Variants in CATSPERE observed in about 807,000 individuals in gnomAD.
The protein encoded by CATSPERE is catsper channel auxiliary subunit epsilon, also known as cation channel sperm-associated auxiliary subunit epsilon.
A neutral mutation model predicts 114.1 loss-of-function variants in CATSPERE; 93 were observed. The observed-to-expected ratio is 0.81, with a 90% CI of 0.69 to 0.97. The LOEUF (loss-of-function observed/expected upper bound fraction) is 0.97. Ranked by LOEUF, CATSPERE falls within the 50% of genes least tolerant of loss-of-function variation. The pLI, the probability that CATSPERE is intolerant of heterozygous loss-of-function variation, is 0.00. For synonymous variants in CATSPERE, 341 were observed against 384.1 expected (o/e 0.89, Z 1.31); for missense variants, 1,058 against 1,131.6 (o/e 0.93, Z 0.93).
chr1:244,598,696 C>A, intron 17 of CATSPERE: 2 of 219,560 alleles, frequency 9.1e-6, no homozygotes, highest in South Asian at 5.8e-5. Context: ...ATATTTAATT[C>A]TCTCTTTTGT....
chr1:244,490,057 A>G (rs1174731073), intron 5 of CATSPERE, among the ~76,000 whole-genome samples: 24 of 152,206 alleles, frequency 1.6e-4, no homozygotes. Context: ...GGAGAGGGTA[A>G]GGAGGGTACT....
rs138837889 is a variant in CATSPERE at position 244,588,533 on chromosome 1, G to A, written c.2137G>A (p.Gly713Arg). Reference sequence around the variant, plus strand: ...TGATAAAAAATTCATTGCAATTAAAGGGTAAGTATATTTCCATTTGACCTG... The same window carrying A: ...TGATAAAAAATTCATTGCAATTAAAAGGTAAGTATATTTCCATTTGACCTG... Reference protein sequence around the residue: ...CDDKKFIAIKGFSKKGCHHHD... With the variant: ...CDDKKFIAIKRFSKKGCHHHD... The change falls in exon 14 of 22, where the codon GGA becomes AGA. Residue 713 changes from glycine to arginine, a missense_variant and splice_region_variant. By Grantham distance (125) the Gly-to-Arg change is moderately radical. Coordinates refer to ENST00000366534, the MANE Select transcript of CATSPERE (RefSeq NM_001130957.2). 4.7e-5 allele frequency: 76 copies of A among 1,604,512 alleles called. No homozygotes were observed. The highest frequency in any genetic ancestry group is 6.2e-5 in the Non-Finnish European group (73 of 1,171,542).
At chr1:244,609,617 C>T (rs989066199) in intron 18 of CATSPERE, among the ~76,000 whole-genome samples, 2 of 151,764 alleles carry the variant, frequency 1.3e-5, no homozygotes, top group Non-Finnish European at 2.9e-5. Flanking sequence ...CAACACTATT[C>T]CTGAAGATCT....
At chr1:244,493,151 C>G (rs1245716163) in intron 6 of CATSPERE, among the ~76,000 whole-genome samples, 1 of 151,968 alleles carries the variant, frequency 6.6e-6, no homozygotes, top group African/African-American at 2.4e-5. Context: ...AATCCTAAGC[C>G]AAAAGAACAA....
At chr1:244,604,696 G>A (rs975628999) in intron 17 of CATSPERE, among the ~76,000 whole-genome samples, 3 of 152,324 alleles carry the variant, frequency 2.0e-5, no homozygotes, top group Middle Eastern at 3.4e-3. Flanking sequence ...AGAAATATGG[G>A]AGTAACTGAC....
In CATSPERE at chr1:244,575,085, G is replaced by A. The variant is rs934886280; in HGVS notation, c.1950+2313G>A. Among the ~76,000 whole-genome samples the A allele has an allele frequency of 2.0e-5, 3 of 152,078 alleles. No homozygotes were observed. The highest frequency in any genetic ancestry group is 7.2e-5 in the African/African-American group (3 of 41,400). On this transcript the variant is annotated intron_variant, in intron 11 of 21. Coordinates refer to ENST00000366534, the MANE Select transcript of CATSPERE (RefSeq NM_001130957.2). This position sits in a 1 kb window ranked among gnomAD's most constrained non-coding sequence, Gnocchi z 4.5. ...CTGAGTTCTCCCACTCTTGCAGCTG[G>A]CAGGGCCAGGCAATGGCATGGGCCC... is the stretch of plus-strand genomic sequence containing the variant.
chr1:244,525,883 A>C (rs1326432091), intron 8 of CATSPERE, among the ~76,000 whole-genome samples: 1 of 150,496 alleles, frequency 6.6e-6, no homozygotes, highest in Non-Finnish European at 1.5e-5. Flanking sequence ...TTAACAACAA[A>C]AAAAATTTTT....
chr1:244,547,631 T>G (rs1215665945), intron 8 of CATSPERE, among the ~76,000 whole-genome samples: 1 of 152,182 alleles, frequency 6.6e-6, no homozygotes, highest in Admixed American at 6.5e-5. Flanking sequence ...ATTATAACTA[T>G]AAGATGTTAT....
At chr1:244,564,378 C>CATG (rs1406523258) in intron 10 of CATSPERE, among the ~76,000 whole-genome samples, 8 of 152,174 alleles carry the variant, frequency 5.3e-5, no homozygotes, top group Non-Finnish European at 7.3e-5. Context: ...TCTTCCTATC[C>CATG]ATGAGCCTGG....
chr1:244,467,927 T>C (rs1258823527), intron 2 of CATSPERE, among the ~76,000 whole-genome samples: 1 of 152,182 alleles, frequency 6.6e-6, no homozygotes, highest in African/African-American at 2.4e-5. Flanking sequence ...TATATTTTCT[T>C]TTACAATTGT....
intron 20 of CATSPERE, among the ~76,000 whole-genome samples, chr1:244,625,358 GGTTT>G (rs1184962850): frequency 1.1e-3 from 39 of 35,626 alleles, no homozygotes; most frequent in Non-Finnish European, 2.7e-3. Context: ...TTTTTGGGGG[GGTTT>G]ATTTATTTAT....
chr1:244,536,894 G>A (rs748404845), intron 8 of CATSPERE, among the ~76,000 whole-genome samples: 2 of 149,320 alleles, frequency 1.3e-5, no homozygotes, highest in Non-Finnish European at 3.0e-5. Flanking sequence ...CTTTTGTATG[G>A]ACTTTGTATC....
chr1:244,547,044 A>G lies in CATSPERE; in HGVS notation c.537-5278A>G, dbSNP rs558805967. Among the ~76,000 whole-genome samples the G allele has an allele frequency of 1.9e-3, 287 of 152,332 alleles. 1 individual carries two copies. The Middle Eastern group carries it at 0.034, about 18-fold the overall frequency. ...CAAGACTTATTGTAATCAAATTGTC[A>G]AAGATGAAAGACAAAGAGAGGATCC... On this transcript the variant is annotated intron_variant, in intron 8 of 21. Coordinates refer to ENST00000366534, the MANE Select transcript of CATSPERE (RefSeq NM_001130957.2).
chr1:244,460,498 G>A (rs190018797), upstream of CATSPERE, among the ~76,000 whole-genome samples: 153 of 152,296 alleles, frequency 1.0e-3, no homozygotes, highest in African/African-American at 3.3e-3. Flanking sequence ...ACTGGCTTCC[G>A]CCAACCCACC....
intron 10 of CATSPERE, among the ~76,000 whole-genome samples, chr1:244,570,132 ATCTAT>A (rs1186537857): frequency 1.3e-5 from 2 of 152,042 alleles, no homozygotes; most frequent in Non-Finnish European, 2.9e-5. Context: ...TCTCTAATTG[ATCTAT>A]TCTAATATTT....
intron 8 of CATSPERE, among the ~76,000 whole-genome samples, chr1:244,526,651 T>C (rs1678657451): frequency 2.7e-5 from 2 of 74,160 alleles, no homozygotes; most frequent in East Asian, 3.0e-4. Context: ...AGTCTTTTTC[T>C]TTTTTTTTTT....
chr1:244,575,252 G>T lies in CATSPERE; in HGVS notation c.1950+2480G>T, dbSNP rs1005372286. Among the ~76,000 whole-genome samples the T allele has an allele frequency of 7.9e-5, 12 of 152,210 alleles. No homozygotes were observed. Among genetic ancestry groups the T allele is most frequent in the African/African-American group, 2.7e-4 (11 of 41,458 alleles). ...CAGCCCAGGCCCCGGGCTGTTGCTG[G>T]CCCAGAGGCTTGGCAGGTGCCTGCC... On this transcript the variant is annotated intron_variant, in intron 11 of 21. Coordinates refer to ENST00000366534, the MANE Select transcript of CATSPERE (RefSeq NM_001130957.2). This position sits in a 1 kb window ranked among gnomAD's most constrained non-coding sequence, Gnocchi z 4.5.
intron 1 of CATSPERE, among the ~76,000 whole-genome samples, chr1:244,455,765 G>A (rs577939818): frequency 6.6e-6 from 1 of 151,880 alleles, no homozygotes; most frequent in East Asian, 1.9e-4. Context: ...GGGACTCCTT[G>A]GGAAAAACAG....
At position 244,464,046 on chromosome 1, in the gene CATSPERE, C is replaced by G. The variant is rs1490071989; in HGVS notation, c.114+90C>G. 7 of 909,146 alleles carry G rather than the reference C, an allele frequency of 7.7e-6. No homozygotes were observed. The Admixed American group carries it at 1.2e-4, about 15-fold the overall frequency. 56.3% of individuals were successfully genotyped at this position (909,146 alleles called of 1,614,324 possible). A position where few individuals can be genotyped will look rare whatever the true frequency, so the allele number is the denominator to read the frequency against. Reference sequence around the variant, plus strand: ...GCAGAGTTAATCATATTGAGTTTTACAGTCATTGTCACTCTTCTGTTTCGT... The same window carrying G: ...GCAGAGTTAATCATATTGAGTTTTAGAGTCATTGTCACTCTTCTGTTTCGT... On this transcript the variant is annotated intron_variant, in intron 2 of 21. Transcript: ENST00000366534.
Sources: gnomAD v4.1 joint callset for allele counts (sites outside exome capture counted in the v4.1 genomes callset) on GRCh38, gnomAD v4.1.1 for gene constraint, Gnocchi (gnomAD v3.1) non-coding constraint, MANE v1.5 for transcripts, NCBI Gene and HGNC (gene_info 2026-07-23, HGNC 2026-07-21) for gene names.